Variants in DAGLA observed in about 807,000 individuals in gnomAD.
The protein encoded by DAGLA is diacylglycerol lipase alpha.
In DAGLA, 22 loss-of-function variants were observed where a neutral mutation model predicts 102.6. The observed-to-expected ratio is 0.21, with a 90% CI of 0.15 to 0.31. The LOEUF (loss-of-function observed/expected upper bound fraction) is 0.31. Ranked by LOEUF, DAGLA falls within the 10% of genes least tolerant of loss-of-function variation. The pLI, the probability that DAGLA is intolerant of heterozygous loss-of-function variation, is 1.00. For missense variants in DAGLA, 927 were observed against 1,446.6 expected (o/e 0.64, Z 5.83); for synonymous variants, 578 against 628.9 (o/e 0.92, Z 1.21).
intron 9 of DAGLA, among the ~76,000 whole-genome samples, chr11:61,732,083 G>A (rs975948372): frequency 2.6e-5 from 4 of 152,198 alleles, no homozygotes; most frequent in African/African-American, 9.7e-5. Flanking sequence ...GCATTCCTAA[G>A]TGGGCCAGAG....
intron 1 of DAGLA, among the ~76,000 whole-genome samples, chr11:61,716,849 T>C (rs974861165): frequency 6.6e-6 from 1 of 152,170 alleles, no homozygotes; most frequent in Middle Eastern, 3.2e-3. Flanking sequence ...AAAATTGGGC[T>C]GTGTGGGTGG....
intron 1 of DAGLA, among the ~76,000 whole-genome samples, chr11:61,682,500 G>A (rs1368661118): frequency 1.3e-5 from 2 of 152,208 alleles, no homozygotes; most frequent in African/African-American, 2.4e-5. Context: ...GTCTCCAGAG[G>A]ACAGTCCTGA....
rs1454980121 is a variant in DAGLA, at chr11:61,725,988, T to G, written c.549-7T>G. 6.2e-7 allele frequency: 1 copy of G among 1,613,324 alleles called. No homozygotes were observed. The highest frequency in any genetic ancestry group is 1.7e-5 in the Admixed American group (1 of 60,012). ...ACCTCACACATACCGCCTCTCCTGC[T>G]TTGCAGGCACCGCTTAGAGGAGGGT... On this transcript the variant is annotated splice_polypyrimidine_tract_variant and splice_region_variant and intron_variant, in intron 5 of 19. Transcript: ENST00000257215.
chr11:61,743,242 G>C (rs1274444647), intron 19 of DAGLA, among the ~76,000 whole-genome samples: 3 of 151,726 alleles, frequency 2.0e-5, no homozygotes, highest in Non-Finnish European at 4.4e-5. Flanking sequence ...GCGGGCACCT[G>C]TAGTCCCAGC....
At chr11:61,737,641 C>A in intron 14 of DAGLA, 46 bp from the exon 15 acceptor site, 1 of 1,565,198 alleles carries the variant, frequency 6.4e-7, no homozygotes, top group Non-Finnish European at 8.8e-7. Flanking sequence ...GGAACACCAC[C>A]ACCCCGCCCC....
At chr11:61,728,792 G>A (rs1319708879) in intron 7 of DAGLA, 139 bp from the exon 8 acceptor site, 2 of 685,662 alleles carry the variant, frequency 2.9e-6, no homozygotes, top group Non-Finnish European at 5.1e-6. Flanking sequence ...CTGAATCTTG[G>A]AAGAACTAGA....
chr11:61,703,225 C>T (rs1012191617), intron 1 of DAGLA, among the ~76,000 whole-genome samples: 28 of 152,206 alleles, frequency 1.8e-4, no homozygotes, highest in African/African-American at 5.3e-4. Context: ...AGAAAACAGG[C>T]GAGACCCCTC....
chr11:61,737,427 A>G (rs2065432702), intron 14 of DAGLA, 103 bp downstream of exon 14: 3 of 1,526,748 alleles, frequency 2.0e-6, no homozygotes, highest in African/African-American at 2.7e-5. Context: ...ACTTCTGGTC[A>G]CATGGAGGTC....
At chr11:61,712,531 G>GACCTA (rs1267481633) in intron 1 of DAGLA, among the ~76,000 whole-genome samples, 1 of 152,226 alleles carries the variant, frequency 6.6e-6, no homozygotes, top group African/African-American at 2.4e-5. Context: ...GGCGTGTGAG[G>GACCTA]ACCTATCTCA....
chr11:61,741,140 G>C, intron 18 of DAGLA, 22 bp from the exon 19 acceptor site: 2 of 1,594,574 alleles, frequency 1.3e-6, no homozygotes, highest in Non-Finnish European at 1.7e-6. Context: ...ACCACCCCCA[G>C]CCTCCTCTGT....
intron 2 of DAGLA, 84 bp downstream of exon 2, chr11:61,720,334 G>C (rs1216338405): frequency 3.6e-6 from 5 of 1,404,812 alleles, no homozygotes; most frequent in Non-Finnish European, 5.0e-6. Context: ...GTTCCTCCCT[G>C]CTTGGGCCCA....
At chr11:61,704,123 T>TTC (rs1242942660) in intron 1 of DAGLA, among the ~76,000 whole-genome samples, 224 of 87,352 alleles carry the variant, frequency 2.6e-3, no homozygotes, top group African/African-American at 5.4e-3. Flanking sequence ...GAGAATTTCT[T>TTC]TTTTTTTTTT....
rs766345907 is a variant in DAGLA, at chr11:61,737,747, C to T, written c.1575C>T (p.Leu525=). The change falls in exon 15 of 20, where the codon CTC becomes CTT. Residue 525 remains leucine (L), a synonymous_variant. Transcript: ENST00000257215. ...CTGCTGTGGTTCTGGGCAAAGACCTCGTCCCCAGGTGAGTCCTTGGCCCCG... is the reference window on the plus strand; with the variant it reads ...CTGCTGTGGTTCTGGGCAAAGACCTTGTCCCCAGGTGAGTCCTTGGCCCCG... ...FVTAVVLGKD[L]VPRIGLSQLE... is the part of the protein sequence containing the mutation. 2.5e-6 allele frequency: 4 copies of T among 1,613,984 alleles called. No homozygotes were observed. The highest frequency in any genetic ancestry group is 3.4e-6 in the Non-Finnish European group (4 of 1,179,882).
At chr11:61,724,705 A>C (rs1056390236) in intron 5 of DAGLA, among the ~76,000 whole-genome samples, 22 of 152,120 alleles carry the variant, frequency 1.4e-4, no homozygotes, top group African/African-American at 5.3e-4. Context: ...CAGGTCTGGG[A>C]GCCAAGGCCC....
At chr11:61,694,045 G>A (rs763277033) in intron 1 of DAGLA, among the ~76,000 whole-genome samples, 4 of 152,250 alleles carry the variant, frequency 2.6e-5, no homozygotes, top group Non-Finnish European at 2.9e-5. Context: ...GGATATGCTC[G>A]GAGAGTAATG....
intron 1 of DAGLA, among the ~76,000 whole-genome samples, chr11:61,688,511 C>T (rs2065002472): frequency 6.6e-6 from 1 of 152,138 alleles, no homozygotes. Flanking sequence ...ACCTGTGTGG[C>T]CAGGAGTGGG....
At chr11:61,708,870 C>T (rs1047482961) in intron 1 of DAGLA, among the ~76,000 whole-genome samples, 9 of 152,328 alleles carry the variant, frequency 5.9e-5, no homozygotes, top group African/African-American at 1.7e-4. Context: ...GTCCTCCACC[C>T]GGCAGCAGGG....
chr11:61,720,114 G>A lies in DAGLA; in HGVS notation c.-42G>A, dbSNP rs182319432. 1.2e-4 allele frequency: 187 copies of A among 1,599,508 alleles called. No homozygotes were observed. The highest frequency in any genetic ancestry group is 4.1e-4 in the South Asian group (37 of 90,914). On this transcript the variant is annotated splice_region_variant and 5_prime_UTR_variant, in exon 2 of 20. Coordinates refer to ENST00000257215, the MANE Select transcript of DAGLA (RefSeq NM_006133.3). ...TAAGGTCCTCTGCTTTCTTTCAGGAGGTGAGCACCAGGCCCACTGAGCCTC... is the reference window on the plus strand; with the variant it reads ...TAAGGTCCTCTGCTTTCTTTCAGGAAGTGAGCACCAGGCCCACTGAGCCTC...
chr11:61,690,104 A>G (rs577340179), intron 1 of DAGLA, among the ~76,000 whole-genome samples: 5 of 152,196 alleles, frequency 3.3e-5, no homozygotes, highest in Non-Finnish European at 7.3e-5. Flanking sequence ...CTGCAGGGCC[A>G]GAGTCAGCCC....
Sources: gnomAD v4.1 joint callset for allele counts (sites outside exome capture counted in the v4.1 genomes callset) on GRCh38, gnomAD v4.1.1 for gene constraint, MANE v1.5 for transcripts, NCBI Gene and HGNC (gene_info 2026-07-23, HGNC 2026-07-21) for gene names.